The following TRIM71 variants were observed in gnomAD, a reference collection of about 807,000 sequenced individuals.
TRIM71 encodes the protein tripartite motif containing 71, also known as E3 ubiquitin-protein ligase TRIM71.
In TRIM71, 9 loss-of-function variants were observed where a neutral mutation model predicts 61.2. The observed-to-expected ratio is 0.15, with a 90% CI of 0.09 to 0.26. TRIM71 has a LOEUF of 0.26. Among genes scored for constraint, TRIM71 ranks in the 10% least tolerant of loss-of-function variants. The probability of loss-of-function intolerance (pLI) is 1.00; values close to 1 mark genes in which losing one functional copy is unlikely to be tolerated. For missense variants in TRIM71, 998 were observed against 1,238.7 expected (o/e 0.81, Z 2.92); for synonymous variants, 645 against 553.2 (o/e 1.17, Z -2.33).
chr3:32,828,369 T>G (rs1452782288), intron 1 of TRIM71, among the ~76,000 whole-genome samples: 1 of 152,168 alleles, frequency 6.6e-6, no homozygotes, highest in African/African-American at 2.4e-5. Context: ...GCACTCTGAT[T>G]CTAGGTTAGA....
At chr3:32,884,126 G>GTT (rs1396802681) in intron 2 of TRIM71, among the ~76,000 whole-genome samples, 1 of 151,994 alleles carries the variant, frequency 6.6e-6, no homozygotes, top group East Asian at 1.9e-4. Context: ...GTTTTGTTTT[G>GTT]TTTAAATAAA....
Position 32,891,849 on chromosome 3 carries a change from C to CTT in TRIM71, c.*38_*39insTT. ...GGTTTCTGTGTTTGGGGTGTGTGTG[C>CTT]GTGTCTCTCTCTCTCTCTCTCTCTT... is the stretch of plus-strand genomic sequence containing the variant. On this transcript the variant is annotated 3_prime_UTR_variant, in exon 4 of 4. Transcript: ENST00000383763. This position sits in a 1 kb window ranked among gnomAD's most constrained non-coding sequence, Gnocchi z 8.2. 6.4e-7 allele frequency: 1 copy of CTT among 1,563,780 alleles called. No homozygotes were observed. The highest frequency in any genetic ancestry group is 8.6e-7 in the Non-Finnish European group (1 of 1,156,128).
Position 32,891,442 on chromosome 3 carries a change from C to T in TRIM71, c.2238C>T (p.His746=), listed in dbSNP as rs754481814. ...KYGFEGALWK[H]FDSPRGVAFN... The stretch of plus-strand genomic sequence containing the variant: ...GCTTCGAGGGGGCTCTCTGGAAGCA[C>T]TTTGACTCCCCACGGGGTGTGGCCT... Residue 746 remains histidine, a synonymous_variant, in exon 4 of 4, where the codon CAC becomes CAT. Coordinates refer to ENST00000383763, the MANE Select transcript of TRIM71 (RefSeq NM_001039111.3). The surrounding 1 kb of genome is among the most constrained non-coding windows in gnomAD (Gnocchi z 8.2). 8 of 1,613,868 alleles carry T rather than the reference C, an allele frequency of 5.0e-6. No individual in the cohort carries two copies. The African/African-American group carries it at 1.1e-4, about 22-fold the overall frequency.
intron 3 of TRIM71, among the ~76,000 whole-genome samples, chr3:32,888,839 T>C (rs9812082): frequency 1.3e-5 from 2 of 152,060 alleles, no homozygotes; most frequent in African/African-American, 4.8e-5. Context: ...ACTAATTCTT[T>C]AAGAATATGA....
At chr3:32,869,841 T>C (rs1416692901) in intron 1 of TRIM71, among the ~76,000 whole-genome samples, 1 of 152,082 alleles carries the variant, frequency 6.6e-6, no homozygotes, top group Non-Finnish European at 1.5e-5. Flanking sequence ...AGGTCAAGCC[T>C]CCTCCATTTA....
chr3:32,827,475 T>C (rs1696216860), intron 1 of TRIM71, among the ~76,000 whole-genome samples: 1 of 151,992 alleles, frequency 6.6e-6, no homozygotes, highest in Admixed American at 6.6e-5. Context: ...TTGGCCAGGC[T>C]GGTCTCGAAC....
chr3:32,882,022 A>G (rs1390468041), intron 2 of TRIM71, among the ~76,000 whole-genome samples: 1 of 152,206 alleles, frequency 6.6e-6, no homozygotes, highest in Non-Finnish European at 1.5e-5. Flanking sequence ...TTGTCATAAA[A>G]TGTGAGTTCC....
intron 1 of TRIM71, among the ~76,000 whole-genome samples, chr3:32,864,989 T>TCTGCCC (rs1696716290): frequency 6.6e-6 from 1 of 151,950 alleles, no homozygotes; most frequent in Non-Finnish European, 1.5e-5. Flanking sequence ...TACCTCGACC[T>TCTGCCC]CTGCCCCTTA....
chr3:32,823,816 G>A, intron 1 of TRIM71, among the ~76,000 whole-genome samples: 1 of 149,488 alleles, frequency 6.7e-6, no homozygotes, highest in East Asian at 2.2e-4. Flanking sequence ...GGTCAGGCGT[G>A]AGCCACCGCG....
At position 32,836,337 on chromosome 3, in the gene TRIM71, T is replaced by C. The variant is rs138658698; in HGVS notation, c.852+17405T>C. On this transcript the variant is annotated intron_variant, in intron 1 of 3. Transcript: ENST00000383763. The stretch of plus-strand genomic sequence containing the variant: ...ATGAGGTGTGCATGAGCTTTTCATA[T>C]GTTTACTGGCCATTTGAGTTTTCCT... Among the ~76,000 whole-genome samples the C allele has an allele frequency of 4.5e-4, 68 of 152,298 alleles. No individual in the cohort carries two copies. In the East Asian group the frequency reaches 0.011, roughly 25 times the overall value.
rs779600499 is a variant in TRIM71 at position 32,891,154 on chromosome 3, T to A, written c.1950T>A (p.Pro650=). Residue 650 remains proline (P), a synonymous_variant, in exon 4 of 4, where the codon CCT becomes CCA. Transcript: ENST00000383763. This position sits in a 1 kb window ranked among gnomAD's most constrained non-coding sequence, Gnocchi z 8.2. The part of the protein sequence containing the change: ...HHKFGTLGSR[P]GQFDRPAGVA... ...AATTCGGCACCCTGGGCTCCCGGCC[T>A]GGGCAGTTCGACCGACCAGCCGGCG... 7 of 1,613,238 alleles carry A rather than the reference T, an allele frequency of 4.3e-6. No homozygotes were observed. In the East Asian group the frequency reaches 1.6e-4, roughly 36 times the overall value.
chr3:32,878,033 A>T (rs1036266657), intron 2 of TRIM71, among the ~76,000 whole-genome samples: 1 of 152,348 alleles, frequency 6.6e-6, no homozygotes, highest in East Asian at 1.9e-4. Context: ...TTGCAAAAGG[A>T]TTACAAATGA....
At chr3:32,837,782 G>T (rs1020286740) in intron 1 of TRIM71, among the ~76,000 whole-genome samples, 2 of 151,738 alleles carry the variant, frequency 1.3e-5, no homozygotes, top group Non-Finnish European at 2.9e-5. Context: ...CTCCAGCCTG[G>T]GTGACAGAGC....
chr3:32,891,868 C>CTT lies in TRIM71; in HGVS notation c.*58_*59insTT, dbSNP rs372794141. 477,756 of 1,426,092 alleles carry CTT rather than the reference C, an allele frequency of 0.34. 58,687 individuals are homozygous for CTT. The highest frequency in any genetic ancestry group is 0.37 in the Non-Finnish European group (385,030 of 1,043,856). 88.3% of individuals were successfully genotyped at this position (1,426,092 alleles called of 1,614,324 possible). On this transcript the variant is annotated 3_prime_UTR_variant, in exon 4 of 4. Coordinates refer to ENST00000383763, the MANE Select transcript of TRIM71 (RefSeq NM_001039111.3). This position sits in a 1 kb window ranked among gnomAD's most constrained non-coding sequence, Gnocchi z 8.2. ...TGTGTGCGTGTCTCTCTCTCTCTCT[C>CTT]TCTCTTTCTCTTTCTCTCTCTTTTT...
At chr3:32,825,585 T>A (rs1278505905) in intron 1 of TRIM71, among the ~76,000 whole-genome samples, 2 of 152,160 alleles carry the variant, frequency 1.3e-5, no homozygotes, top group African/African-American at 2.4e-5. Flanking sequence ...TGCAGGCAGT[T>A]TCAAAATACT....
At chr3:32,866,635 G>A (rs561663387) in intron 1 of TRIM71, among the ~76,000 whole-genome samples, 12 of 152,270 alleles carry the variant, frequency 7.9e-5, no homozygotes, top group African/African-American at 2.9e-4. Context: ...CTTTGGACAG[G>A]GCCGTGTCGA....
intron 2 of TRIM71, among the ~76,000 whole-genome samples, chr3:32,877,709 T>C (rs745777287): frequency 6.6e-6 from 1 of 152,106 alleles, no homozygotes; most frequent in Admixed American, 6.5e-5. Flanking sequence ...AATTTTCTCA[T>C]GAGATGGCAA....
At chr3:32,820,247 T>A (rs1007190806) in intron 1 of TRIM71, among the ~76,000 whole-genome samples, 1 of 152,192 alleles carries the variant, frequency 6.6e-6, no homozygotes, top group Non-Finnish European at 1.5e-5. Flanking sequence ...GCCGCTGCCT[T>A]TTCCACTCCT....
At chr3:32,872,616 C>T (rs942598712) in intron 1 of TRIM71, among the ~76,000 whole-genome samples, 2 of 152,166 alleles carry the variant, frequency 1.3e-5, no homozygotes, top group African/African-American at 4.8e-5. Context: ...CGCAGAATCG[C>T]CTGGAATCTC....
Sources: gnomAD v4.1 joint callset for allele counts (sites outside exome capture counted in the v4.1 genomes callset) on GRCh38, gnomAD v4.1.1 for gene constraint, Gnocchi (gnomAD v3.1) non-coding constraint, MANE v1.5 for transcripts, NCBI Gene and HGNC (gene_info 2026-07-23, HGNC 2026-07-21) for gene names.